ZNF385B: variants seen among roughly 807,000 people sequenced by gnomAD.
ZNF385B encodes zinc finger protein 533.
In ZNF385B, 23 loss-of-function variants were observed where a neutral mutation model predicts 39.2. That is an observed-to-expected ratio of 0.59 (90% CI 0.42 to 0.83). The LOEUF (loss-of-function observed/expected upper bound fraction) is 0.83, where lower values mean the gene tolerates loss of function less well. Among genes scored for constraint, ZNF385B ranks in the 40% least tolerant of loss-of-function variants. The pLI is 0.00. For synonymous variants in ZNF385B, 205 were observed against 222.6 expected (o/e 0.92, Z 0.70); for missense variants, 552 against 598.9 (o/e 0.92, Z 0.82).
rs372139987 is a variant in ZNF385B at position 179,584,120 on chromosome 2, A to G, written c.299-39151T>C. On this transcript the variant is annotated intron_variant, in intron 3 of 9. Coordinates refer to ENST00000410066, the MANE Select transcript of ZNF385B (RefSeq NM_152520.6). ...AATTACATTAGAGCAGAGTTTTTCAACCTTGGCATTAATGACATTTTGAAC... is the reference window on the plus strand; with the variant it reads ...AATTACATTAGAGCAGAGTTTTTCAGCCTTGGCATTAATGACATTTTGAAC... 92 of 439,990 alleles carry G rather than the reference A, an allele frequency of 2.1e-4. 1 individual carries two copies. Among genetic ancestry groups the G allele is most frequent in the African/African-American group, 1.6e-3 (78 of 48,870 alleles). The allele number at this position is 439,990 out of a possible 1,614,324, so 27.3% of individuals were successfully genotyped here. A position where few individuals can be genotyped will look rare whatever the true frequency, so the allele number is the denominator to read the frequency against.
At chr2:179,469,484 C>G (rs983704627) in intron 6 of ZNF385B, among the ~76,000 whole-genome samples, 1 of 152,058 alleles carries the variant, frequency 6.6e-6, no homozygotes, top group African/African-American at 2.4e-5. Flanking sequence ...GGATCAGGAC[C>G]CCTTTCTGGT....
At chr2:179,741,178 T>C (rs780717121) in intron 3 of ZNF385B, among the ~76,000 whole-genome samples, 1 of 152,160 alleles carries the variant, frequency 6.6e-6, no homozygotes, top group Non-Finnish European at 1.5e-5. Context: ...GGTGGCATTT[T>C]AGACTGGAAA....
intron 1 of ZNF385B, among the ~76,000 whole-genome samples, chr2:179,772,296 A>T (rs1704057232): frequency 6.6e-6 from 1 of 152,130 alleles, no homozygotes; most frequent in Admixed American, 6.5e-5. Context: ...ATAACTTTTC[A>T]ACCCTATTTT....
At chr2:179,529,501 G>T (rs1275600447) in intron 4 of ZNF385B, among the ~76,000 whole-genome samples, 2 of 152,054 alleles carry the variant, frequency 1.3e-5, no homozygotes, top group Non-Finnish European at 2.9e-5. Flanking sequence ...ATCTTTCAAA[G>T]ATCATGCATA....
intron 3 of ZNF385B, among the ~76,000 whole-genome samples, chr2:179,598,616 T>G (rs1370776821): frequency 6.6e-5 from 10 of 152,132 alleles, no homozygotes. Context: ...AACCTCTATG[T>G]ATGAGGTGGT....
chr2:179,638,794 G>A (rs954493957), intron 3 of ZNF385B, among the ~76,000 whole-genome samples: 4 of 152,060 alleles, frequency 2.6e-5, no homozygotes, highest in Non-Finnish European at 5.9e-5. Context: ...GTACCATGGG[G>A]GATGAGCTCA....
chr2:179,549,926 G>A (rs528851830), intron 3 of ZNF385B, among the ~76,000 whole-genome samples: 2 of 148,744 alleles, frequency 1.3e-5, no homozygotes, highest in Non-Finnish European at 1.5e-5. Context: ...ATCTCAGCCT[G>A]TCATTCATAT....
rs114386234 is a variant in ZNF385B at position 179,829,230 on chromosome 2, A to C, written c.-155+31871T>G. Among the ~76,000 whole-genome samples, 947 of 152,268 alleles carry C rather than the reference A, an allele frequency of 6.2e-3. 5 individuals carry two copies. Among genetic ancestry groups the C allele is most frequent in the African/African-American group, 0.022 (905 of 41,546 alleles). ...TCTAATAATATTTCTCTTCATAGTG[A>C]AGAGACTATTAGCTGAAAAACAATA... is the stretch of plus-strand genomic sequence containing the variant. On this transcript the variant is annotated intron_variant, in intron 1 of 9. Transcript: ENST00000410066.
At chr2:179,779,960 C>T (rs926861396) in intron 1 of ZNF385B, among the ~76,000 whole-genome samples, 2 of 151,858 alleles carry the variant, frequency 1.3e-5, no homozygotes, top group African/African-American at 4.8e-5. Context: ...AATATTGATG[C>T]CAGATTCCCA....
intron 3 of ZNF385B, chr2:179,576,053 G>T: frequency 1.3e-6 from 1 of 781,704 alleles, no homozygotes; most frequent in Non-Finnish European, 1.6e-6. Context: ...TGGCAACTCT[G>T]GCACAACACT....
chr2:179,495,415 G>A (rs1357150573), intron 5 of ZNF385B, among the ~76,000 whole-genome samples: 1 of 152,184 alleles, frequency 6.6e-6, no homozygotes, highest in East Asian at 1.9e-4. Context: ...GGACCCACCT[G>A]GGAACTGGGG....
intron 3 of ZNF385B, among the ~76,000 whole-genome samples, chr2:179,610,595 T>A (rs576960925): frequency 6.6e-6 from 1 of 151,866 alleles, no homozygotes; most frequent in African/African-American, 2.4e-5. Context: ...GTGAAGAATA[T>A]CATTGATATT....
intron 3 of ZNF385B, among the ~76,000 whole-genome samples, chr2:179,625,725 G>A (rs1472093795): frequency 1.3e-5 from 2 of 152,038 alleles, no homozygotes; most frequent in African/African-American, 4.8e-5. Context: ...CAAGGAAAAC[G>A]ATATCATAAC....
chr2:179,776,315 A>G (rs1170517576), intron 1 of ZNF385B, among the ~76,000 whole-genome samples: 1 of 152,206 alleles, frequency 6.6e-6, no homozygotes, highest in Non-Finnish European at 1.5e-5. Context: ...CTGAGGGAAC[A>G]GGAGGCCTAG....
chr2:179,679,480 T>C lies in ZNF385B; in HGVS notation c.298+90023A>G, dbSNP rs138647947. ...TGTCAGCACCAGTGAAAAACTGTCC[T>C]AAACTGACCCTGGCTTACAGATGTA... is the stretch of plus-strand genomic sequence containing the variant. On this transcript the variant is annotated intron_variant, in intron 3 of 9. Transcript: ENST00000410066. Among the ~76,000 whole-genome samples the C allele has an allele frequency of 4.6e-3, 696 of 152,318 alleles. 8 individuals are homozygous for C. Among genetic ancestry groups the C allele is most frequent in the African/African-American group, 0.015 (622 of 41,584 alleles).
chr2:179,648,651 G>C (rs142295831), intron 3 of ZNF385B, among the ~76,000 whole-genome samples: 271 of 152,184 alleles, frequency 1.8e-3, no homozygotes, highest in African/African-American at 6.2e-3. Context: ...CTGGGATAAG[G>C]AAAGTACAAA....
chr2:179,483,398 C>T lies in ZNF385B; in HGVS notation c.589G>A (p.Ala197Thr), dbSNP rs149414022. ...AEAHYKGSKH[A>T]KKVKALDATK... ...GCGTCTAGTGCTTTGACCTTCTTGG[C>T]ATGTTTACTTCCTTTGTAGTGGGCC... The change falls in exon 6 of 10, where the codon GCC becomes ACC. Residue 197 changes from alanine to threonine, a missense_variant. Transcript: ENST00000410066. 3.7e-6 allele frequency: 6 copies of T among 1,614,016 alleles called. No individual in the cohort carries two copies. Among genetic ancestry groups the T allele is most frequent in the Non-Finnish European group, 5.1e-6 (6 of 1,179,916 alleles).
At chr2:179,468,507 A>C (rs1414278007) in intron 6 of ZNF385B, among the ~76,000 whole-genome samples, 1 of 152,218 alleles carries the variant, frequency 6.6e-6, no homozygotes, top group Non-Finnish European at 1.5e-5. Context: ...GGTTCAGTAG[A>C]GATTCAAAAG....
intron 1 of ZNF385B, among the ~76,000 whole-genome samples, chr2:179,773,915 C>T (rs1462657280): frequency 1.3e-5 from 2 of 152,082 alleles, no homozygotes; most frequent in South Asian, 4.2e-4. Context: ...ATAAAATAGG[C>T]ACTTAATAAA....
Sources: allele counts gnomAD v4.1 joint callset (sites outside exome capture counted in the v4.1 genomes callset), GRCh38; gene constraint gnomAD v4.1.1; transcripts MANE v1.5; gene names NCBI Gene and HGNC (gene_info 2026-07-23, HGNC 2026-07-21).